The following PALM2AKAP2 variants were observed in gnomAD, a reference collection of about 807,000 sequenced individuals.
The protein encoded by PALM2AKAP2 is PALM2 and AKAP2 fusion, also known as PALM2-AKAP2 fusion protein.
Under a neutral mutation model 71.5 loss-of-function variants are expected in PALM2AKAP2, and 37 were observed. That is an observed-to-expected ratio of 0.52 (90% CI 0.40 to 0.68). The LOEUF (loss-of-function observed/expected upper bound fraction) is 0.68. PALM2AKAP2 is among the 30% of genes least tolerant of loss of function. PALM2AKAP2 has a pLI of 0.00. For missense variants in PALM2AKAP2, 1,224 were observed against 1,191.8 expected (o/e 1.03, Z -0.40); for synonymous variants, 468 against 478.8 (o/e 0.98, Z 0.29).
intron 1 of PALM2AKAP2, among the ~76,000 whole-genome samples, chr9:109,855,286 T>A (rs1829133050): frequency 6.6e-6 from 1 of 151,730 alleles, no homozygotes; most frequent in Non-Finnish European, 1.5e-5. Flanking sequence ...TTGCCCAGGC[T>A]GGTCTCGAAC....
At chr9:109,736,133 G>A (rs528573896) in intron 1 of PALM2AKAP2, among the ~76,000 whole-genome samples, 1 of 152,232 alleles carries the variant, frequency 6.6e-6, no homozygotes, top group Admixed American at 6.5e-5. Flanking sequence ...CAGGCACAAC[G>A]ACGGTTAAAA....
rs1038578244 is a variant in PALM2AKAP2, at chr9:109,796,315, G to C, written c.45+15782G>C. ...AGCAAAATATTAGAAAACTGTGATA[G>C]ATAACATGGGATTTGATTGATGTAC... On this transcript the variant is annotated intron_variant, in intron 1 of 9. Coordinates refer to the PALM2AKAP2 transcript ENST00000302798. 3.9e-5 allele frequency among the ~76,000 whole-genome samples: 6 copies of C among 152,146 alleles called. No individual in the cohort carries two copies. In the East Asian group the frequency reaches 1.2e-3, roughly 29 times the overall value.
At chr9:109,972,663 A>G (rs1832090466) in intron 6 of PALM2AKAP2, among the ~76,000 whole-genome samples, 1 of 152,208 alleles carries the variant, frequency 6.6e-6, no homozygotes, top group Non-Finnish European at 1.5e-5. Flanking sequence ...AGAGGAAGCC[A>G]AGGGGTGTGC....
At chr9:110,115,315 C>T (rs754393883) in intron 1 of PALM2AKAP2, among the ~76,000 whole-genome samples, 1 of 152,162 alleles carries the variant, frequency 6.6e-6, no homozygotes. Context: ...AGGGTCAGGT[C>T]GTCAGTGTCA....
At chr9:109,852,386 C>T (rs1829044704) in intron 1 of PALM2AKAP2, among the ~76,000 whole-genome samples, 2 of 152,264 alleles carry the variant, frequency 1.3e-5, no homozygotes, top group South Asian at 4.1e-4. Context: ...TTTTTTATGG[C>T]TGTGTAGTAT....
At chr9:109,990,084 T>TTTTTTTTTTC (rs1832450022) in intron 6 of PALM2AKAP2, among the ~76,000 whole-genome samples, 1 of 124,076 alleles carries the variant, frequency 8.1e-6, no homozygotes. Context: ...TTTTTTTTTT[T>TTTTTTTTTTC]CTTTTGTGGC....
At chr9:109,711,614 C>T (rs1828238978) in intron 1 of PALM2AKAP2, among the ~76,000 whole-genome samples, 1 of 152,196 alleles carries the variant, frequency 6.6e-6, no homozygotes, top group Admixed American at 6.5e-5. Context: ...TAAAGGGGTG[C>T]ACAGGCACCT....
At chr9:109,803,745 C>T (rs1827498305) in intron 1 of PALM2AKAP2, among the ~76,000 whole-genome samples, 1 of 152,214 alleles carries the variant, frequency 6.6e-6, no homozygotes, top group Admixed American at 6.5e-5. Flanking sequence ...TCATCTGCTT[C>T]TCCTCCACCC....
chr9:109,688,023 C>T (rs1436919556), intron 1 of PALM2AKAP2, among the ~76,000 whole-genome samples: 1 of 152,212 alleles, frequency 6.6e-6, no homozygotes, highest in African/African-American at 2.4e-5. Flanking sequence ...TCATTAAGTT[C>T]ACCATCTTAC....
intron 1 of PALM2AKAP2, among the ~76,000 whole-genome samples, chr9:110,119,016 T>C (rs1391171377): frequency 6.6e-6 from 1 of 152,206 alleles, no homozygotes; most frequent in East Asian, 1.9e-4. Context: ...CTGGGAGTTC[T>C]TCTGTTCTTT....
chr9:109,663,144 CG>C (rs1372296685), intron 1 of PALM2AKAP2, among the ~76,000 whole-genome samples: 2 of 152,030 alleles, frequency 1.3e-5, no homozygotes, highest in Non-Finnish European at 2.9e-5. Flanking sequence ...AACAAGCTTC[CG>C]GATTCATTGA....
At chr9:109,688,997 T>A (rs567386182) in intron 1 of PALM2AKAP2, among the ~76,000 whole-genome samples, 6 of 152,306 alleles carry the variant, frequency 3.9e-5, no homozygotes, top group African/African-American at 1.4e-4. Context: ...AGTTCTTCCA[T>A]ACTTCGCCAC....
rs554156076 is a variant in PALM2AKAP2, at chr9:109,727,396, A to G, written c.6-53092A>G. On this transcript the variant is annotated intron_variant, in intron 1 of 6. Coordinates refer to the PALM2AKAP2 transcript ENST00000374531. ...CATCTGACTTTGAGCAAATCACTCAACTTTCCTGGATTCCTGTTTCCTCAC... is the reference window on the plus strand; with the variant it reads ...CATCTGACTTTGAGCAAATCACTCAGCTTTCCTGGATTCCTGTTTCCTCAC... Among the ~76,000 whole-genome samples, 7 of 152,362 alleles carry G rather than the reference A, an allele frequency of 4.6e-5. No homozygotes were observed. In the East Asian group the frequency reaches 1.2e-3, roughly 25 times the overall value.
intron 1 of PALM2AKAP2, among the ~76,000 whole-genome samples, chr9:109,732,169 T>G (rs931703955): frequency 2.0e-5 from 3 of 152,226 alleles, no homozygotes; most frequent in Non-Finnish European, 4.4e-5. Flanking sequence ...TACAGATCAA[T>G]GGAAGTGAAA....
chr9:110,172,259 G>A (rs959686172), exon 4 of PALM2AKAP2: 4 of 152,488 alleles, frequency 2.6e-5, no homozygotes, highest in Non-Finnish European at 1.5e-5. Context: ...TAAGCATTCA[G>A]TGAGCTGCCA....
intron 3 of PALM2AKAP2, among the ~76,000 whole-genome samples, chr9:109,892,666 G>T (rs757530439): frequency 9.9e-5 from 15 of 152,148 alleles, no homozygotes; most frequent in Non-Finnish European, 2.1e-4. Flanking sequence ...GTGGTTAGGG[G>T]CATGAACATC....
intron 7 of PALM2AKAP2, among the ~76,000 whole-genome samples, chr9:110,023,473 C>T (rs1263631966): frequency 6.6e-6 from 1 of 151,660 alleles, no homozygotes; most frequent in Non-Finnish European, 1.5e-5. Flanking sequence ...TGCCACCACG[C>T]CCGGATAATT....
intron 1 of PALM2AKAP2, among the ~76,000 whole-genome samples, chr9:110,076,492 C>CATATATATAT (rs149836822): frequency 0.032 from 3,368 of 106,666 alleles, 342 homozygotes; most frequent in Middle Eastern, 0.058. Flanking sequence ...ATATATTCTA[C>CATATATATAT]ATATATATAT....
At chr9:109,701,379 C>T (rs1828052997) in intron 1 of PALM2AKAP2, among the ~76,000 whole-genome samples, 1 of 152,204 alleles carries the variant, frequency 6.6e-6, no homozygotes, top group African/African-American at 2.4e-5. Context: ...CAGCATGGTA[C>T]TGATACCAAA....
Sources: allele counts gnomAD v4.1 joint callset (sites outside exome capture counted in the v4.1 genomes callset), GRCh38; gene constraint gnomAD v4.1.1; transcripts MANE v1.5; gene names NCBI Gene and HGNC (gene_info 2026-07-23, HGNC 2026-07-21).